TCERG1L: variants seen among roughly 807,000 people sequenced by gnomAD.
TCERG1L encodes transcription elongation regulator 1 like, also known as transcription elongation regulator 1-like protein.
Under a neutral mutation model 56.3 loss-of-function variants are expected in TCERG1L, and 37 were observed. The ratio of observed to expected loss-of-function variants is 0.66; its 90% CI spans 0.51 to 0.87. The LOEUF is 0.87. Among genes scored for constraint, TCERG1L ranks in the 40% least tolerant of loss-of-function variants. The pLI, the probability that TCERG1L is intolerant of heterozygous loss-of-function variation, is 0.00. For synonymous variants in TCERG1L, 324 were observed against 326.3 expected, an observed-to-expected ratio of 0.99 and a Z score of 0.08; for missense variants, 799 against 774.2, an observed-to-expected ratio of 1.03 and a Z score of -0.38.
At chr10:131,258,018 T>C (rs1214096140) in intron 4 of TCERG1L, among the ~76,000 whole-genome samples, 2 of 152,256 alleles carry the variant, frequency 1.3e-5, no homozygotes, top group African/African-American at 4.8e-5. Context: ...TGTGTTCTTC[T>C]GAGTCCATCA....
In TCERG1L at chr10:131,311,348, C is replaced by A. The variant is rs928487817; in HGVS notation, c.288G>T (p.Ala96=). The A allele has an allele frequency of 1.7e-6, 2 of 1,202,450 alleles. No homozygotes were observed. Among genetic ancestry groups the A allele is most frequent in the Non-Finnish European group, 2.1e-6 (2 of 970,756 alleles). 74.5% of individuals were successfully genotyped at this position (1,202,450 alleles called of 1,614,324 possible). ...PVLPLLPLPS[A]PDSAAAAAAH... ...CGGCGGCGGCGGCGGCGGAGTCTGG[C>A]GCAGAGGGCAGCGGCAGCAGCGGGA... Residue 96 remains alanine, a synonymous_variant, in exon 1 of 12, where the codon GCG becomes GCT. Transcript: ENST00000368642. This position sits in a 1 kb window ranked among gnomAD's most constrained non-coding sequence, Gnocchi z 4.0.
intron 6 of TCERG1L, among the ~76,000 whole-genome samples, chr10:131,154,028 G>C (rs1232178757): frequency 2.0e-5 from 3 of 152,166 alleles, no homozygotes; most frequent in Non-Finnish European, 4.4e-5. Flanking sequence ...GGGGCCAGCT[G>C]TAACACGCAG....
intron 4 of TCERG1L, among the ~76,000 whole-genome samples, chr10:131,233,479 C>A (rs980395645): frequency 6.6e-6 from 1 of 151,438 alleles, no homozygotes; most frequent in African/African-American, 2.4e-5. Flanking sequence ...CACACAGACA[C>A]GCACACACGC....
chr10:131,220,096 G>A (rs1845714070), intron 4 of TCERG1L, among the ~76,000 whole-genome samples: 1 of 152,194 alleles, frequency 6.6e-6, no homozygotes. Flanking sequence ...GCTCCACCCT[G>A]GCACCCGCAT....
At chr10:131,120,614 A>C (rs913002624) in intron 8 of TCERG1L, among the ~76,000 whole-genome samples, 1 of 152,234 alleles carries the variant, frequency 6.6e-6, no homozygotes, top group Non-Finnish European at 1.5e-5. Context: ...CCATTCCCTC[A>C]TAGGCTGACA....
intron 4 of TCERG1L, among the ~76,000 whole-genome samples, chr10:131,227,536 G>A (rs1172259406): frequency 1.3e-5 from 2 of 152,168 alleles, no homozygotes; most frequent in Admixed American, 6.5e-5. Context: ...GCAAACACCT[G>A]CCAGGAATGT....
rs900112795 is a variant in TCERG1L at position 131,191,636 on chromosome 10, G to A, written c.857-24751C>T. Among the ~76,000 whole-genome samples the A allele has an allele frequency of 8.4e-5, 12 of 142,232 alleles. 1 individual carries two copies. Among genetic ancestry groups the A allele is most frequent in the African/African-American group, 2.4e-4 (9 of 37,598 alleles). 93.3% of individuals were successfully genotyped at this position (142,232 alleles called of 152,430 possible). On this transcript the variant is annotated intron_variant, in intron 4 of 11. Coordinates refer to ENST00000368642, the MANE Select transcript of TCERG1L (RefSeq NM_174937.4). ...GCATAAATTGCAAAGGTGCTGGGAA[G>A]ACTGGCAAGCCACATGTAGAAGAAT...
At chr10:131,179,188 T>A (rs1024169442) in intron 4 of TCERG1L, among the ~76,000 whole-genome samples, 3 of 152,144 alleles carry the variant, frequency 2.0e-5, no homozygotes, top group African/African-American at 7.2e-5. Context: ...CCCAGCAAAC[T>A]AACAGGAGCC....
chr10:131,236,389 C>CCA (rs1845912974), intron 4 of TCERG1L, among the ~76,000 whole-genome samples: 1 of 152,220 alleles, frequency 6.6e-6, no homozygotes, highest in South Asian at 2.1e-4. Flanking sequence ...AGGCAATGGA[C>CCA]CACATGACAC....
chr10:131,176,665 T>A (rs7088037), intron 4 of TCERG1L, among the ~76,000 whole-genome samples: 1 of 46,490 alleles, frequency 2.2e-5, no homozygotes, highest in African/African-American at 1.1e-4. Context: ...CACACAGAGA[T>A]ACATGTACAC....
chr10:131,121,427 A>T (rs926617888), intron 8 of TCERG1L, among the ~76,000 whole-genome samples: 5 of 152,216 alleles, frequency 3.3e-5, no homozygotes, highest in Admixed American at 2.0e-4. Flanking sequence ...CCGCAATTCT[A>T]TGATGCAAAT....
At chr10:131,216,785 T>G (rs1845673559) in intron 4 of TCERG1L, among the ~76,000 whole-genome samples, 1 of 152,182 alleles carries the variant, frequency 6.6e-6, no homozygotes, top group South Asian at 2.1e-4. Context: ...GGGCCAGGCA[T>G]GGGAGTGGGG....
intron 3 of TCERG1L, among the ~76,000 whole-genome samples, chr10:131,302,786 C>T (rs1846779075): frequency 1.3e-5 from 2 of 151,914 alleles, no homozygotes; most frequent in Non-Finnish European, 2.9e-5. Context: ...TAGCCCCCCA[C>T]CCCGCAACAG....
intron 3 of TCERG1L, among the ~76,000 whole-genome samples, chr10:131,291,446 A>T (rs1262467022): frequency 1.3e-4 from 4 of 30,550 alleles, no homozygotes; most frequent in South Asian, 1.1e-3. Context: ...TTTTTTTTTG[A>T]GACGGAGTCT....
Position 131,311,351 on chromosome 10 carries a change from A to AGAGGGCAGCGGCAGCAGC in TCERG1L, c.267_284dup (p.Leu90_Ser95dup). 1 of 1,201,226 alleles carries AGAGGGCAGCGGCAGCAGC rather than the reference A, an allele frequency of 8.3e-7. No individual in the cohort carries two copies. The allele number at this position is 1,201,226 out of a possible 1,614,324, so 74.4% of individuals were successfully genotyped here. A position where few individuals can be genotyped will look rare whatever the true frequency, so the allele number is the denominator to read the frequency against. On this transcript the variant is annotated inframe_insertion, in exon 1 of 12. Transcript: ENST00000368642. This position sits in a 1 kb window ranked among gnomAD's most constrained non-coding sequence, Gnocchi z 4.0. Reference sequence around the variant, plus strand: ...CGGCGGCGGCGGCGGAGTCTGGCGCAGAGGGCAGCGGCAGCAGCGGGAGCA... The same window carrying AGAGGGCAGCGGCAGCAGC: ...CGGCGGCGGCGGCGGAGTCTGGCGCAGAGGGCAGCGGCAGCAGCGAGGGCAGCGGCAGCAGCGGGAGCA...
chr10:131,286,657 G>A (rs758856635), intron 3 of TCERG1L, among the ~76,000 whole-genome samples: 2 of 152,146 alleles, frequency 1.3e-5, no homozygotes, highest in Non-Finnish European at 2.9e-5. Flanking sequence ...AGCTTAAAAT[G>A]GATCCTTTAG....
intron 3 of TCERG1L, among the ~76,000 whole-genome samples, chr10:131,287,902 C>T (rs1452017694): frequency 1.3e-5 from 2 of 152,192 alleles, no homozygotes; most frequent in African/African-American, 2.4e-5. Flanking sequence ...AGTCTGTGGG[C>T]AAAGTCTGTG....
At chr10:131,304,798 C>T (rs1227319993) in intron 3 of TCERG1L, among the ~76,000 whole-genome samples, 1 of 152,054 alleles carries the variant, frequency 6.6e-6, no homozygotes. Flanking sequence ...AACAAGTTCA[C>T]ACTTTCCTGG....
At chr10:131,173,543 C>G (rs947470011) in intron 4 of TCERG1L, among the ~76,000 whole-genome samples, 6 of 152,214 alleles carry the variant, frequency 3.9e-5, no homozygotes, top group Admixed American at 1.3e-4. Flanking sequence ...ACCAAAGTAT[C>G]TAAGGGAACC....
Sources: allele counts gnomAD v4.1 joint callset (sites outside exome capture counted in the v4.1 genomes callset), GRCh38; gene constraint gnomAD v4.1.1; non-coding constraint Gnocchi (gnomAD v3.1); transcripts MANE v1.5; gene names NCBI Gene and HGNC (gene_info 2026-07-23, HGNC 2026-07-21).